POTEC: variants seen among roughly 807,000 people sequenced by gnomAD.
POTEC encodes ANKRD26-like family B member 2.
A neutral mutation model predicts 62.0 loss-of-function variants in POTEC; 35 were observed. The observed-to-expected ratio is 0.56, with a 90% CI of 0.43 to 0.75. The LOEUF is 0.75. POTEC is among the 30% of genes least tolerant of loss of function. The pLI, the probability that POTEC is intolerant of heterozygous loss-of-function variation, is 0.00. For missense variants in POTEC, 472 were observed against 655.9 expected (o/e 0.72, Z 3.06); for synonymous variants, 156 against 221.5 (o/e 0.70, Z 2.62).
chr18:14,523,591 T>G (rs1910362158), intron 7 of POTEC, 84 bp from the exon 8 acceptor site: 1 of 1,436,416 alleles, frequency 7.0e-7, no homozygotes, highest in Non-Finnish European at 9.3e-7. Context: ...TAAAATAATT[T>G]TATTCTTAAG....
chr18:14,537,258 A>G (rs1421776898), intron 3 of POTEC, among the ~76,000 whole-genome samples: 1 of 145,178 alleles, frequency 6.9e-6, no homozygotes, highest in Non-Finnish European at 1.5e-5. Context: ...CTTTTCCCCC[A>G]TTACCTAATT....
rs144076262 is a variant in POTEC at position 14,514,502 on chromosome 18, T to C, written c.1410-717A>G. Among the ~76,000 whole-genome samples the C allele has an allele frequency of 6.1e-3, 932 of 152,372 alleles. 19 individuals carry two copies. Among genetic ancestry groups the C allele is most frequent in the South Asian group, 0.058 (281 of 4,828 alleles). On this transcript the variant is annotated intron_variant, in intron 9 of 10. Transcript: ENST00000358970. ...ATTTTTTGGAAACAGTTTCCACTTA[T>C]ATTCTTGATTCCTCTGTAATTTATA...
Position 14,524,899 on chromosome 18 carries a change from A to C in POTEC, c.1197+14T>G, listed in dbSNP as rs764880927. On this transcript the variant is annotated intron_variant, in intron 7 of 10. Coordinates refer to ENST00000358970, the MANE Select transcript of POTEC (RefSeq NM_001137671.2). ...AACATTAAATCAAAAATTTAAATTTAAAATTTTCCATGCCTCTGGCTGGCT... is the reference window on the plus strand; with the variant it reads ...AACATTAAATCAAAAATTTAAATTTCAAATTTTCCATGCCTCTGGCTGGCT... 1.9e-6 allele frequency: 3 copies of C among 1,604,490 alleles called. No individual in the cohort carries two copies. The South Asian group carries it at 3.3e-5, about 18-fold the overall frequency.
At chr18:14,541,790 CATTTA>C (rs1201538473) in intron 1 of POTEC, among the ~76,000 whole-genome samples, 1 of 151,728 alleles carries the variant, frequency 6.6e-6, no homozygotes, top group African/African-American at 2.4e-5. Context: ...AAACAGCATG[CATTTA>C]ATTTATGAAT....
Position 14,533,085 on chromosome 18 carries a change from T to C in POTEC, c.1031A>G (p.Tyr344Cys), listed in dbSNP as rs202042216. ...CACATGATGATGACTAGAAACAGCA[T>C]ACTCTCTGGCCGTCTGTCCAGATAG... is the stretch of plus-strand genomic sequence containing the variant. ...QDLSGQTAREYAVSSHHHVIC... is the reference protein window; with the variant it reads ...QDLSGQTARECAVSSHHHVIC... Residue 344 changes from tyrosine to cysteine, a missense_variant, in exon 5 of 11, where the codon TAT (tyrosine) becomes TGT (cysteine). Physicochemically the swap from Tyr to Cys is radical, Grantham distance 194. Around this residue, in one of 5 missense-constraint regions of POTEC, gnomAD observed 83 missense variants for 254.3 expected, o/e 0.33. Coordinates refer to ENST00000358970, the MANE Select transcript of POTEC (RefSeq NM_001137671.2). 2.2e-4 allele frequency: 348 copies of C among 1,611,006 alleles called. 3 individuals carry two copies. In the East Asian group the frequency reaches 7.0e-3, roughly 32 times the overall value.
At position 14,543,584 on chromosome 18, in the gene POTEC, G is replaced by A. The variant is rs535268341; in HGVS notation, c.-438C>T. On this transcript the variant is annotated 5_prime_UTR_variant, in exon 1 of 11. Transcript: ENST00000358970. ...GCAAAGCGAAGCGTACCCGTTACAG[G>A]TAAGCCAAGCCGTTATGCGCGTGCG... 4.6e-3 allele frequency: 1,329 copies of A among 286,502 alleles called. 6 individuals are homozygous for A. The highest frequency in any genetic ancestry group is 6.1e-3 in the Non-Finnish European group (931 of 152,140). The allele number at this position is 286,502 out of a possible 1,614,324, so 17.7% of individuals were successfully genotyped here. A position where few individuals can be genotyped will look rare whatever the true frequency, so the allele number is the denominator to read the frequency against.
rs1252175484 is a variant in POTEC at position 14,509,344 on chromosome 18, C to T, written c.*2554G>A. The T allele has an allele frequency of 5.3e-5, 8 of 152,010 alleles. No homozygotes were observed. In the East Asian group the frequency reaches 7.8e-4, roughly 15 times the overall value. 9.4% of individuals were successfully genotyped at this position (152,010 alleles called of 1,614,324 possible). A position where few individuals can be genotyped will look rare whatever the true frequency, so the allele number is the denominator to read the frequency against. ...TGGTCACTCAGGGTATAAGAAGGTC[C>T]CTTTTCCTCTGCACAGCATTACCTC... On this transcript the variant is annotated 3_prime_UTR_variant, in exon 11 of 11. Transcript: ENST00000358970.
chr18:14,539,046 A>C (rs996041569), intron 1 of POTEC, among the ~76,000 whole-genome samples: 109 of 152,256 alleles, frequency 7.2e-4, no homozygotes, highest in African/African-American at 2.5e-3. Context: ...CTGAGGTGAA[A>C]ACAAAAACAA....
chr18:14,542,437 A>G (rs1905968767), intron 1 of POTEC, among the ~76,000 whole-genome samples, 189 bp downstream of exon 1: 1 of 152,172 alleles, frequency 6.6e-6, no homozygotes, highest in Non-Finnish European at 1.5e-5. Flanking sequence ...TGGATTGAAA[A>G]TCAGCTAACA....
At chr18:14,528,552 T>C (rs1230546592) in intron 6 of POTEC, among the ~76,000 whole-genome samples, 9 of 152,038 alleles carry the variant, frequency 5.9e-5, no homozygotes, top group Non-Finnish European at 1.0e-4. Flanking sequence ...CTTGAAATGT[T>C]GTGTTGTGAG....
chr18:14,543,507 G>T lies in POTEC; in HGVS notation c.-361C>A. 2.4e-6 allele frequency: 1 copy of T among 419,358 alleles called. No individual in the cohort carries two copies. Among genetic ancestry groups the T allele is most frequent in the Non-Finnish European group, 4.3e-6 (1 of 230,704 alleles). 26.0% of individuals were successfully genotyped at this position (419,358 alleles called of 1,614,324 possible). A position where few individuals can be genotyped will look rare whatever the true frequency, so the allele number is the denominator to read the frequency against. ...CGCCAATCCAAGCAAGAAACACCAG[G>T]CAAAGCGACTAACGCCAAGCCAAGC... On this transcript the variant is annotated 5_prime_UTR_variant, in exon 1 of 11. Coordinates refer to ENST00000358970, the MANE Select transcript of POTEC (RefSeq NM_001137671.2).
chr18:14,538,897 TAGTG>T (rs1905839578), intron 1 of POTEC, among the ~76,000 whole-genome samples: 2 of 152,204 alleles, frequency 1.3e-5, no homozygotes, highest in South Asian at 4.1e-4. Context: ...ATAATTTTCT[TAGTG>T]AGACATAAAA....
In POTEC at chr18:14,540,781, C is replaced by T. The variant is rs570000170; in HGVS notation, c.521+1845G>A. Reference sequence around the variant, plus strand: ...CCATCAAAGTGTCTATTTGAAAAGTCGCAGCAACTTAAACTTTCAGCAAGT... The same window carrying T: ...CCATCAAAGTGTCTATTTGAAAAGTTGCAGCAACTTAAACTTTCAGCAAGT... On this transcript the variant is annotated intron_variant, in intron 1 of 10. Transcript: ENST00000358970. Among the ~76,000 whole-genome samples the T allele has an allele frequency of 2.4e-4, 36 of 152,302 alleles. No homozygotes were observed. The South Asian group carries it at 6.2e-3, about 26-fold the overall frequency.
chr18:14,518,633 G>C (rs1325927492), intron 9 of POTEC, among the ~76,000 whole-genome samples: 1 of 142,762 alleles, frequency 7.0e-6, no homozygotes, highest in East Asian at 2.0e-4. Flanking sequence ...TCCTCAGAAA[G>C]TGGTTGTTCC....
chr18:14,538,765 G>A (rs907578575), intron 1 of POTEC, among the ~76,000 whole-genome samples: 6 of 152,144 alleles, frequency 3.9e-5, no homozygotes, highest in African/African-American at 7.2e-5. Flanking sequence ...AAGATTACAG[G>A]TAGCGCTGTA....
rs1290134166 is a variant in POTEC, at chr18:14,510,592, A to C, written c.*1306T>G. On this transcript the variant is annotated 3_prime_UTR_variant, in exon 11 of 11. Coordinates refer to ENST00000358970, the MANE Select transcript of POTEC (RefSeq NM_001137671.2). Reference sequence around the variant, plus strand: ...CTGAAGGTATCAGCAGTGAAGCCTGAGAAAAAGCAAAGACGATAGCCTGCC... The same window carrying C: ...CTGAAGGTATCAGCAGTGAAGCCTGCGAAAAAGCAAAGACGATAGCCTGCC... 2 of 152,304 alleles carry C rather than the reference A, an allele frequency of 1.3e-5. No individual in the cohort carries two copies. Among genetic ancestry groups the C allele is most frequent in the Non-Finnish European group, 2.9e-5 (2 of 68,142 alleles). 9.4% of individuals were successfully genotyped at this position (152,304 alleles called of 1,614,324 possible). A position where few individuals can be genotyped will look rare whatever the true frequency, so the allele number is the denominator to read the frequency against.
At chr18:14,532,007 C>A (rs1905540167) in intron 5 of POTEC, among the ~76,000 whole-genome samples, 1 of 151,340 alleles carries the variant, frequency 6.6e-6, no homozygotes, top group African/African-American at 2.4e-5. Context: ...GGGCCAACCA[C>A]AGCTGGGAGC....
In POTEC at chr18:14,510,982, C is replaced by G. The variant is rs1909991273; in HGVS notation, c.*916G>C. The G allele has an allele frequency of 6.6e-6, 1 of 152,250 alleles. No individual in the cohort carries two copies. Among genetic ancestry groups the G allele is most frequent in the South Asian group, 2.1e-4 (1 of 4,830 alleles). 9.4% of individuals were successfully genotyped at this position (152,250 alleles called of 1,614,324 possible). ...TGGAGACCCTGGTTGAAAGGCTCCA[C>G]CCAGTGATTAGAAATGTGGTTGGGG... is the stretch of plus-strand genomic sequence containing the variant. On this transcript the variant is annotated 3_prime_UTR_variant, in exon 11 of 11. Transcript: ENST00000358970.
intron 8 of POTEC, 133 bp from the exon 9 acceptor site, chr18:14,522,553 C>T: frequency 1.4e-6 from 2 of 1,421,120 alleles, no homozygotes; most frequent in Admixed American, 5.1e-5. Context: ...TAAATTTGAT[C>T]ATATATACAG....
Sources: gnomAD v4.1 joint callset for allele counts (sites outside exome capture counted in the v4.1 genomes callset) on GRCh38, gnomAD v4.1.1 for gene constraint, gnomAD v4.1.1 regional missense constraint, MANE v1.5 for transcripts, NCBI Gene and HGNC (gene_info 2026-07-23, HGNC 2026-07-21) for gene names.